Variants in FGF10 observed in about 807,000 individuals in gnomAD.
The protein encoded by FGF10 is fibroblast growth factor 10.
In FGF10, 2 loss-of-function variants were observed where a neutral mutation model predicts 19.8. That is an observed-to-expected ratio of 0.10 (90% CI 0.04 to 0.32). The LOEUF (loss-of-function observed/expected upper bound fraction) is 0.32. Among genes scored for constraint, FGF10 ranks in the 10% least tolerant of loss-of-function variants. The pLI is 1.00. For synonymous variants in FGF10, 112 were observed against 94.0 expected (o/e 1.19, Z -1.10); for missense variants, 191 against 246.3 (o/e 0.78, Z 1.50).
chr5:44,331,514 T>C (rs941556694), intron 1 of FGF10, among the ~76,000 whole-genome samples: 6 of 152,208 alleles, frequency 3.9e-5, no homozygotes, highest in African/African-American at 7.2e-5. Flanking sequence ...TTTGATTCAA[T>C]GTTTTCTAAA....
At chr5:44,368,303 A>G (rs1326018797) in intron 1 of FGF10, among the ~76,000 whole-genome samples, 1 of 152,124 alleles carries the variant, frequency 6.6e-6, no homozygotes, top group African/African-American at 2.4e-5. Flanking sequence ...GAAGTATGCA[A>G]TTCAGATTCT....
intron 1 of FGF10, among the ~76,000 whole-genome samples, chr5:44,358,931 C>T (rs1265553343): frequency 1.3e-5 from 2 of 151,488 alleles, no homozygotes; most frequent in African/African-American, 2.4e-5. Flanking sequence ...GATTACCCTC[C>T]TAAAATAAAA....
intron 1 of FGF10, among the ~76,000 whole-genome samples, chr5:44,370,696 C>T (rs1156300844): frequency 6.6e-6 from 1 of 152,284 alleles, no homozygotes; most frequent in Non-Finnish European, 1.5e-5. Flanking sequence ...CATTTGTCTG[C>T]TGTCTCTAAC....
chr5:44,322,505 A>G (rs945532729), intron 1 of FGF10, among the ~76,000 whole-genome samples: 2 of 152,224 alleles, frequency 1.3e-5, no homozygotes, highest in African/African-American at 2.4e-5. Context: ...AAATGGATCC[A>G]TGACCCATTT....
At chr5:44,369,380 T>A (rs980016759) in intron 1 of FGF10, among the ~76,000 whole-genome samples, 1 of 152,144 alleles carries the variant, frequency 6.6e-6, no homozygotes, top group Non-Finnish European at 1.5e-5. Flanking sequence ...TTTTGGAGGC[T>A]GGGCTGCAAA....
intron 1 of FGF10, among the ~76,000 whole-genome samples, chr5:44,353,206 C>T (rs1741274185): frequency 6.6e-6 from 1 of 151,532 alleles, no homozygotes; most frequent in Admixed American, 6.6e-5. Flanking sequence ...GTCCATAGTC[C>T]CTCTTCAATA....
At chr5:44,323,636 CT>C (rs1410075237) in intron 1 of FGF10, among the ~76,000 whole-genome samples, 2 of 152,066 alleles carry the variant, frequency 1.3e-5, no homozygotes, top group Non-Finnish European at 2.9e-5. Context: ...TTTTCTAAAG[CT>C]CATGAAACAC....
At chr5:44,320,984 A>G (rs1204984653) in intron 1 of FGF10, among the ~76,000 whole-genome samples, 2 of 151,808 alleles carry the variant, frequency 1.3e-5, no homozygotes, top group Non-Finnish European at 2.9e-5. Context: ...GTGCCAGTCC[A>G]TTTTGAAGTT....
chr5:44,329,133 G>A (rs528078498), intron 1 of FGF10, among the ~76,000 whole-genome samples: 67 of 152,272 alleles, frequency 4.4e-4, no homozygotes, highest in African/African-American at 1.6e-3. Context: ...GTAAATAGGT[G>A]CATTTCATTG....
chr5:44,317,164 G>T (rs1306592424), intron 1 of FGF10, among the ~76,000 whole-genome samples: 1 of 152,048 alleles, frequency 6.6e-6, no homozygotes, highest in Non-Finnish European at 1.5e-5. Flanking sequence ...TATACACTCT[G>T]GTTGCCTTTT....
At chr5:44,340,416 A>T (rs1192668519) in intron 1 of FGF10, among the ~76,000 whole-genome samples, 2 of 152,118 alleles carry the variant, frequency 1.3e-5, no homozygotes, top group African/African-American at 4.8e-5. Flanking sequence ...TTTAAAAAAG[A>T]TACAGCACCA....
At chr5:44,364,005 C>T (rs1741548855) in intron 1 of FGF10, among the ~76,000 whole-genome samples, 1 of 151,764 alleles carries the variant, frequency 6.6e-6, no homozygotes, top group Non-Finnish European at 1.5e-5. Flanking sequence ...CAGACACTCA[C>T]AACCTCAGGG....
chr5:44,376,858 T>C (rs972216906), intron 1 of FGF10, among the ~76,000 whole-genome samples: 4 of 152,108 alleles, frequency 2.6e-5, no homozygotes, highest in African/African-American at 9.7e-5. Context: ...CCACTTTCTT[T>C]CTTTTTTTAC....
At chr5:44,311,064 T>G (rs1305998557) in intron 1 of FGF10, among the ~76,000 whole-genome samples, 1 of 152,122 alleles carries the variant, frequency 6.6e-6, no homozygotes, top group Non-Finnish European at 1.5e-5. Flanking sequence ...TTTTGGCAAA[T>G]GTGTTGACAT....
At chr5:44,344,219 G>T (rs1466748286) in intron 1 of FGF10, among the ~76,000 whole-genome samples, 1 of 151,966 alleles carries the variant, frequency 6.6e-6, no homozygotes, top group Admixed American at 6.6e-5. Context: ...CAAGTCTGAG[G>T]CAAGCTGCTA....
chr5:44,376,094 G>T (rs1741849733), intron 1 of FGF10, among the ~76,000 whole-genome samples: 1 of 152,030 alleles, frequency 6.6e-6, no homozygotes, highest in Non-Finnish European at 1.5e-5. Flanking sequence ...AACTAACATT[G>T]TCAAACTCTT....
rs913799256 is a variant in FGF10 at position 44,300,965 on chromosome 5, C to T, written c.*4030G>A. On this transcript the variant is annotated 3_prime_UTR_variant, in exon 3 of 3. Transcript: ENST00000264664. ...GGTTTTGGAGTAGGAAAGAAGTAGA[C>T]TAGAAGCAATCTGGCCTAACCAAAT... Among the ~76,000 whole-genome samples, 6 of 152,002 alleles carry T rather than the reference C, an allele frequency of 3.9e-5. No homozygotes were observed. Among genetic ancestry groups the T allele is most frequent in the South Asian group, 2.1e-4 (1 of 4,810 alleles).
At chr5:44,377,554 A>G (rs1344155963) in intron 1 of FGF10, among the ~76,000 whole-genome samples, 2 of 152,134 alleles carry the variant, frequency 1.3e-5, no homozygotes, top group South Asian at 2.1e-4. Context: ...CTATTTCGCT[A>G]TTCTTTTTTT....
chr5:44,365,137 G>A (rs900097460), intron 1 of FGF10, among the ~76,000 whole-genome samples: 3 of 151,776 alleles, frequency 2.0e-5, no homozygotes, highest in African/African-American at 7.3e-5. Context: ...GAGAGAGATT[G>A]AAGTGACCTA....
Sources: gnomAD v4.1 joint callset for allele counts (sites outside exome capture counted in the v4.1 genomes callset) on GRCh38, gnomAD v4.1.1 for gene constraint, MANE v1.5 for transcripts, NCBI Gene and HGNC (gene_info 2026-07-23, HGNC 2026-07-21) for gene names.